Variants in CENPK observed in about 807,000 individuals in gnomAD.
The protein encoded by CENPK is centromere protein K.
In CENPK, 46 loss-of-function variants were observed where a neutral mutation model predicts 40.9. That is an observed-to-expected ratio of 1.13 (90% CI 0.89 to 1.44). CENPK has a LOEUF of 1.44. CENPK is among the 40% of genes most tolerant of loss of function. The pLI, the probability that CENPK is intolerant of heterozygous loss-of-function variation, is 0.00. For missense variants in CENPK, 288 were observed against 303.5 expected, an observed-to-expected ratio of 0.95 and a Z score of 0.38; for synonymous variants, 107 against 104.4, an observed-to-expected ratio of 1.02 and a Z score of -0.15.
chr5:65,541,518 A>T, intron 6 of CENPK: 1 of 447,638 alleles, frequency 2.2e-6, no homozygotes, highest in Non-Finnish European at 4.5e-6. Context: ...GTGGTGACGG[A>T]GACTAGGAAA....
the CENPK span, among the ~76,000 whole-genome samples, chr5:65,512,225 T>C: frequency 1.3e-5 from 2 of 152,212 alleles, no homozygotes; most frequent in East Asian, 3.8e-4. Flanking sequence ...GAAGATACAG[T>C]GAACATGGTT....
chr5:65,506,693 G>A, the CENPK span, among the ~76,000 whole-genome samples: 1 of 151,888 alleles, frequency 6.6e-6, no homozygotes, highest in Non-Finnish European at 1.5e-5. Context: ...GCTAAGGCAG[G>A]AGAATCTCTT....
chr5:65,500,068 T>C, the CENPK span, among the ~76,000 whole-genome samples: 1 of 49,154 alleles, frequency 2.0e-5, no homozygotes, highest in Admixed American at 2.1e-4. Flanking sequence ...CAGTCTATCA[T>C]TGTTGGACAT....
intron 2 of CENPK, among the ~76,000 whole-genome samples, chr5:65,558,872 C>T (rs1751431251): frequency 6.6e-6 from 1 of 152,162 alleles, no homozygotes; most frequent in Non-Finnish European, 1.5e-5. Context: ...ATTAAAATCA[C>T]TAAGAATTAT....
At chr5:65,519,309 C>T (rs1342148211) in intron 10 of CENPK, among the ~76,000 whole-genome samples, 2 of 152,168 alleles carry the variant, frequency 1.3e-5, no homozygotes, top group East Asian at 3.8e-4. Context: ...GATTGAGAAT[C>T]AGCTGTCTTT....
Position 65,518,479 on chromosome 5 carries a change from T to G in CENPK, c.806A>C (p.Gln269Pro). 3 of 1,608,414 alleles carry G rather than the reference T, an allele frequency of 1.9e-6. No individual in the cohort carries two copies. In the Admixed American group the frequency reaches 5.2e-5, roughly 28 times the overall value. ...GTGAAAAAAGAAAACATCCTTTTAC[T>G]GATGGAAAGCTTCTAATCTTATTCG... is the stretch of plus-strand genomic sequence containing the variant. ...PTRIRLEAFH[Q>P] is the part of the protein sequence containing the mutation. The change falls in exon 11 of 11, where the codon CAG becomes CCG. Residue 269 changes from glutamine (Q) to proline (P), a missense_variant. Physicochemically the swap from Gln to Pro is moderately conservative, Grantham distance 76. Transcript: ENST00000396679.
chr5:65,542,937 T>G, intron 5 of CENPK, 89 bp from the exon 6 acceptor site: 1 of 1,015,820 alleles, frequency 9.8e-7, no homozygotes, highest in Non-Finnish European at 1.5e-6. Flanking sequence ...CTAAGATACT[T>G]CTTTCCATCT....
At chr5:65,546,230 C>A (rs375823337) in intron 5 of CENPK, among the ~76,000 whole-genome samples, 2,661 of 127,580 alleles carry the variant, frequency 0.021, 52 homozygotes, top group African/African-American at 0.06. Context: ...TCTCCCCTGC[C>A]CCCCCGCTCA....
chr5:65,554,969 A>C (rs1750743049), intron 2 of CENPK, 23 bp from the exon 3 acceptor site: 1 of 953,520 alleles, frequency 1.0e-6, no homozygotes, highest in Middle Eastern at 2.2e-4. Context: ...ATATTTATTC[A>C]TTCAGCAGTA....
At chr5:65,495,679 T>C in the CENPK span, among the ~76,000 whole-genome samples, 1 of 152,164 alleles carries the variant, frequency 6.6e-6, no homozygotes, top group African/African-American at 2.4e-5. Context: ...ACATACACAG[T>C]TTGCATTAGG....
At chr5:65,505,076 T>TCTCTA in the CENPK span, among the ~76,000 whole-genome samples, 1 of 152,146 alleles carries the variant, frequency 6.6e-6, no homozygotes, top group Non-Finnish European at 1.5e-5. Context: ...TACAGGTATG[T>TCTCTA]CCCACCATAT....
At chr5:65,518,887 T>C (rs995069473) in intron 10 of CENPK, among the ~76,000 whole-genome samples, 1 of 152,152 alleles carries the variant, frequency 6.6e-6, no homozygotes, top group African/African-American at 2.4e-5. Flanking sequence ...TTTACAATCC[T>C]CCCACTTCTT....
the CENPK span, among the ~76,000 whole-genome samples, chr5:65,508,027 A>G: frequency 2.0e-5 from 3 of 152,356 alleles, no homozygotes; most frequent in Non-Finnish European, 4.4e-5. Context: ...TTCTAATTAC[A>G]TCATATCAAG....
rs533047743 is a variant in CENPK at position 65,548,943 on chromosome 5, CAT to C, written c.241+2619_241+2620del. On this transcript the variant is annotated intron_variant, in intron 5 of 10. Coordinates refer to ENST00000396679, the MANE Select transcript of CENPK (RefSeq NM_022145.5). ...TTTTGACCTCCTTCCATAAATCACA[CAT>C]GTTCTTAATGGCATCTAGAATGGGG... Among the ~76,000 whole-genome samples, 909 of 152,288 alleles carry C rather than the reference CAT, an allele frequency of 6.0e-3. 4 individuals carry two copies. The highest frequency in any genetic ancestry group is 0.021 in the African/African-American group (859 of 41,546).
intron 2 of CENPK, 149 bp downstream of exon 2, chr5:65,561,314 A>G (rs1195227366): frequency 4.1e-6 from 1 of 241,630 alleles, no homozygotes; most frequent in Non-Finnish European, 8.8e-6. Flanking sequence ...ACCAAAATAC[A>G]TTATCAATAT....
chr5:65,558,521 C>T (rs1234491955), intron 2 of CENPK, among the ~76,000 whole-genome samples: 4 of 151,868 alleles, frequency 2.6e-5, no homozygotes, highest in South Asian at 2.1e-4. Context: ...ATGGTAACTA[C>T]GGTTATCAGC....
intron 6 of CENPK, among the ~76,000 whole-genome samples, chr5:65,535,094 A>C (rs1746626299): frequency 6.6e-6 from 1 of 152,164 alleles, no homozygotes; most frequent in Non-Finnish European, 1.5e-5. Flanking sequence ...GTGCACACCC[A>C]TAGTCCCAGC....
intron 6 of CENPK, among the ~76,000 whole-genome samples, chr5:65,540,808 CTTTT>C (rs36024048): frequency 1.2e-4 from 16 of 130,224 alleles, no homozygotes; most frequent in Non-Finnish European, 1.5e-4. Context: ...CAACTGTATC[CTTTT>C]TTTTTTTTTT....
rs765914401 is a variant in CENPK at position 65,528,499 on chromosome 5, G to A, written c.550C>T (p.Leu184=). The change falls in exon 9 of 11, where the codon CTA becomes TTA. Residue 184 remains leucine, a synonymous_variant. Transcript: ENST00000396679. Reference sequence around the variant, plus strand: ...TCAGGCAGAGGAAAATGGTCTTCTAGAAACTCGCCCAAGGTACTCAAGAGT... The same window carrying A: ...TCAGGCAGAGGAAAATGGTCTTCTAAAAACTCGCCCAAGGTACTCAAGAGT... ...EKLLSTLGEF[L]EDHFPLPDRS... 6.2e-6 allele frequency: 10 copies of A among 1,606,454 alleles called. No individual in the cohort carries two copies.
Sources: gnomAD v4.1 joint callset for allele counts (sites outside exome capture counted in the v4.1 genomes callset) on GRCh38, gnomAD v4.1.1 for gene constraint, MANE v1.5 for transcripts, NCBI Gene and HGNC (gene_info 2026-07-23, HGNC 2026-07-21) for gene names.